DYNC2H1: variants seen among roughly 807,000 people sequenced by gnomAD.
The protein encoded by DYNC2H1 is dynein cytoplasmic 2 heavy chain 1.
A neutral mutation model predicts 570.0 loss-of-function variants in DYNC2H1; 410 were observed. The ratio of observed to expected loss-of-function variants is 0.72; its 90% confidence interval spans 0.66 to 0.78. The LOEUF (loss-of-function observed/expected upper bound fraction) is 0.78, where lower values mean the gene tolerates loss of function less well. DYNC2H1 is among the 30% of genes least tolerant of loss of function. DYNC2H1 has a pLI of 0.00. For synonymous variants in DYNC2H1, 1,688 were observed against 1,677.6 expected (o/e 1.01, Z -0.15); for missense variants, 4,865 against 5,046.4 (o/e 0.96, Z 1.09).
intron 53 of DYNC2H1, among the ~76,000 whole-genome samples, chr11:103,210,822 A>G (rs563413275): frequency 8.6e-5 from 13 of 152,038 alleles, no homozygotes; most frequent in Non-Finnish European, 1.8e-4. Context: ...ATGAAGAGGG[A>G]GGAAAAGGTT....
At chr11:103,431,819 G>T (rs1361728327) in intron 84 of DYNC2H1, among the ~76,000 whole-genome samples, 2 of 152,124 alleles carry the variant, frequency 1.3e-5, no homozygotes, top group East Asian at 1.9e-4. Flanking sequence ...TGAATATGGT[G>T]AATGAGGCAA....
intron 83 of DYNC2H1, among the ~76,000 whole-genome samples, chr11:103,396,430 G>A (rs1385007781): frequency 6.6e-6 from 1 of 152,176 alleles, no homozygotes; most frequent in Non-Finnish European, 1.5e-5. Context: ...AGACCTTACA[G>A]CCCACAAAGT....
intron 70 of DYNC2H1, among the ~76,000 whole-genome samples, chr11:103,272,276 A>T (rs1418641486): frequency 1.3e-5 from 2 of 152,194 alleles, no homozygotes; most frequent in Non-Finnish European, 2.9e-5. Context: ...CTTTGTAGGG[A>T]CATGGATGAA....
At chr11:103,294,591 G>T (rs762239057) in intron 75 of DYNC2H1, among the ~76,000 whole-genome samples, 15 of 152,148 alleles carry the variant, frequency 9.9e-5, no homozygotes, top group Non-Finnish European at 1.9e-4. Flanking sequence ...CTTTCTCTAT[G>T]CTGGGTTTCC....
rs1020652776 is a variant in DYNC2H1 at position 103,310,611 on chromosome 11, T to C, written c.11494-1267T>C. On this transcript the variant is annotated intron_variant, in intron 78 of 88. Transcript: ENST00000375735. ...GGTTTTTGTAAATGTTTCATAAACATAAAAGCTTTCATTAAAAAAGTGTAA... is the reference window on the plus strand; with the variant it reads ...GGTTTTTGTAAATGTTTCATAAACACAAAAGCTTTCATTAAAAAAGTGTAA... 4.0e-5 allele frequency among the ~76,000 whole-genome samples: 6 copies of C among 149,086 alleles called. No individual in the cohort carries two copies. In the South Asian group the frequency reaches 1.3e-3, roughly 32 times the overall value.
At chr11:103,445,591 T>A (rs188388761) in intron 85 of DYNC2H1, among the ~76,000 whole-genome samples, 1 of 152,320 alleles carries the variant, frequency 6.6e-6, no homozygotes, top group East Asian at 1.9e-4. Context: ...TATTTTCATA[T>A]TAAACTTGTG....
At chr11:103,214,489 G>T (rs1242344862) in intron 54 of DYNC2H1, among the ~76,000 whole-genome samples, 1 of 132,122 alleles carries the variant, frequency 7.6e-6, no homozygotes. Context: ...CTGTTGCCCA[G>T]GCTGGCATGT....
chr11:103,266,032 G>A (rs1865489883), intron 70 of DYNC2H1, among the ~76,000 whole-genome samples: 1 of 113,046 alleles, frequency 8.8e-6, no homozygotes, highest in Admixed American at 1.4e-4. Flanking sequence ...TTGGGGTTAG[G>A]AATCCACTGT....
At chr11:103,448,632 T>A (rs1257871607) in intron 85 of DYNC2H1, among the ~76,000 whole-genome samples, 1 of 152,176 alleles carries the variant, frequency 6.6e-6, no homozygotes, top group East Asian at 1.9e-4. Flanking sequence ...TTTCTTATAG[T>A]CAGCTTTCAG....
chr11:103,199,748 A>G lies in DYNC2H1; in HGVS notation c.8088+272A>G, dbSNP rs1017987158. Among the ~76,000 whole-genome samples the G allele has an allele frequency of 1.3e-5, 2 of 152,192 alleles. No homozygotes were observed. Among genetic ancestry groups the G allele is most frequent in the African/African-American group, 4.8e-5 (2 of 41,458 alleles). On this transcript the variant is annotated intron_variant, in intron 49 of 88. Transcript: ENST00000375735. This position sits in a 1 kb window ranked among gnomAD's most constrained non-coding sequence, Gnocchi z 4.6. ...TACTCCAGGTCATGGGATGTTAGAC[A>G]GACATGAATGGTAAACAGAAGGATG...
At chr11:103,304,154 A>T (rs1180696067) in intron 76 of DYNC2H1, among the ~76,000 whole-genome samples, 3 of 152,188 alleles carry the variant, frequency 2.0e-5, no homozygotes, top group Non-Finnish European at 4.4e-5. Flanking sequence ...TAAACAACTG[A>T]ATACTTCATA....
chr11:103,120,942 G>A lies in DYNC2H1; in HGVS notation c.1266G>A (p.Leu422=), dbSNP rs571577130. The A allele has an allele frequency of 3.9e-6, 6 of 1,524,876 alleles. No individual in the cohort carries two copies. In the South Asian group the frequency reaches 8.5e-5, roughly 22 times the overall value. 94.5% of individuals were successfully genotyped at this position (1,524,876 alleles called of 1,614,324 possible). A position where few individuals can be genotyped will look rare whatever the true frequency, so the allele number is the denominator to read the frequency against. ...TATATTAGCTTCTTCAAGCATTCCT[G>A]AAATATAAAGAGTTGGTAAAGCGTC... The part of the protein sequence containing the change: ...DSPQQLLQAF[L]KYKELVKRPT... Residue 422 remains leucine (L), a synonymous_variant, in exon 9 of 89, where the codon CTG becomes CTA. Transcript: ENST00000375735.
intron 20 of DYNC2H1, among the ~76,000 whole-genome samples, chr11:103,149,605 T>C (rs982402871): frequency 6.6e-6 from 1 of 152,206 alleles, no homozygotes; most frequent in Non-Finnish European, 1.5e-5. Context: ...TGTATCCGTC[T>C]AGTAGAAGGA....
chr11:103,331,587 T>C (rs1361912043), intron 82 of DYNC2H1, among the ~76,000 whole-genome samples: 1 of 152,184 alleles, frequency 6.6e-6, no homozygotes, highest in East Asian at 1.9e-4. Context: ...TAAAACTTCC[T>C]TAGTCTTTAC....
At chr11:103,238,036 A>AAATG (rs1320218547) in intron 63 of DYNC2H1, among the ~76,000 whole-genome samples, 14 of 152,140 alleles carry the variant, frequency 9.2e-5, no homozygotes, top group Non-Finnish European at 1.8e-4. Flanking sequence ...TATTTCGTTG[A>AAATG]AATGAATTTG....
At position 103,228,456 on chromosome 11, in the gene DYNC2H1, G is replaced by A. The variant is rs539378878; in HGVS notation, c.9354-2804G>A. Among the ~76,000 whole-genome samples the A allele has an allele frequency of 4.6e-5, 7 of 152,052 alleles. No homozygotes were observed. The highest frequency in any genetic ancestry group is 7.4e-5 in the Non-Finnish European group (5 of 68,008). On this transcript the variant is annotated intron_variant, in intron 59 of 88. Coordinates refer to ENST00000375735, the MANE Select transcript of DYNC2H1 (RefSeq NM_001377.3). The surrounding 1 kb of genome is among the most constrained non-coding windows in gnomAD (Gnocchi z 6.1). ...TCTGAACTGTAGTGATTGTTTTTGC[G>A]CTTCTGGGTCTAGCTACCCAGCAGA...
In DYNC2H1 at chr11:103,135,733, C is replaced by T; in HGVS notation, c.2359C>T (p.Gln787Ter). Residue 787 changes from glutamine (Q) to a stop codon, truncating the protein, a stop_gained, in exon 17 of 89, where the codon CAA (glutamine) becomes TAA (stop). Coordinates refer to ENST00000375735, the MANE Select transcript of DYNC2H1 (RefSeq NM_001377.3). LOFTEE classifies it high-confidence loss of function. The part of the protein sequence containing the change: ...IDLTYKQGRL[Q>*]FRPPFEEIRA... ...ATTTACTTTTAGACAGGGACGATTA[C>T]AATTCAGGCCCCCTTTTGAAGAAAT... 3 of 1,609,302 alleles carry T rather than the reference C, an allele frequency of 1.9e-6. No individual in the cohort carries two copies. The highest frequency in any genetic ancestry group is 1.1e-5 in the South Asian group (1 of 89,998).
chr11:103,314,537 G>T (rs1424431808), intron 79 of DYNC2H1, among the ~76,000 whole-genome samples: 1 of 151,886 alleles, frequency 6.6e-6, no homozygotes, highest in Non-Finnish European at 1.5e-5. Context: ...ATTTATAGCT[G>T]TCAATTTTTA....
chr11:103,395,681 G>T lies in DYNC2H1; in HGVS notation c.12157-3982G>T, dbSNP rs1399108102. Among the ~76,000 whole-genome samples the T allele has an allele frequency of 6.6e-6, 1 of 152,050 alleles. No individual in the cohort carries two copies. Among genetic ancestry groups the T allele is most frequent in the Non-Finnish European group, 1.5e-5 (1 of 67,992 alleles). ...ATTCTTACCACATTTCATTGTCTCT[G>T]TTTGGTCATGCTGCCATCCCTGAAC... On this transcript the variant is annotated intron_variant, in intron 83 of 88. Transcript: ENST00000375735. The surrounding 1 kb of genome is among the most constrained non-coding windows in gnomAD (Gnocchi z 4.3).
Sources: gnomAD v4.1 joint callset for allele counts (sites outside exome capture counted in the v4.1 genomes callset) on GRCh38, gnomAD v4.1.1 for gene constraint, Gnocchi (gnomAD v3.1) non-coding constraint, MANE v1.5 for transcripts, NCBI Gene and HGNC (gene_info 2026-07-23, HGNC 2026-07-21) for gene names.